The following MSRA variants were observed in gnomAD, a reference collection of about 807,000 sequenced individuals.
The protein encoded by MSRA is mitochondrial peptide methionine sulfoxide reductase.
A neutral mutation model predicts 31.3 loss-of-function variants in MSRA; 54 were observed. The ratio of observed to expected loss-of-function variants is 1.73; its 90% CI spans 1.39 to 2.17. MSRA has a LOEUF of 2.17. MSRA is among the 30% of genes most tolerant of loss of function. MSRA has a pLI of 0.00. For missense variants in MSRA, 507 were observed against 300.9 expected (o/e 1.69, Z -5.07); for synonymous variants, 169 against 116.5 (o/e 1.45, Z -2.90).
intron 1 of MSRA, among the ~76,000 whole-genome samples, chr8:10,162,531 C>T (rs1020647831): frequency 6.6e-6 from 1 of 152,070 alleles, no homozygotes; most frequent in Non-Finnish European, 1.5e-5. Flanking sequence ...TTGAGTGGGG[C>T]AGGTGACGGG....
chr8:10,079,779 C>T (rs866878111), intron 1 of MSRA, among the ~76,000 whole-genome samples: 2 of 152,156 alleles, frequency 1.3e-5, no homozygotes, highest in South Asian at 2.1e-4. Flanking sequence ...TTATCAGAGC[C>T]AAGGTGAGAA....
chr8:10,108,346 T>G (rs1299489568), intron 1 of MSRA, among the ~76,000 whole-genome samples: 3 of 152,154 alleles, frequency 2.0e-5, no homozygotes, highest in Non-Finnish European at 4.4e-5. Context: ...CCTCATTAGG[T>G]GGGAGGTACC....
rs375578699 is a variant in MSRA, at chr8:10,342,971, A to G, written c.543+22982A>G. 3.3e-5 allele frequency among the ~76,000 whole-genome samples: 5 copies of G among 151,952 alleles called. No individual in the cohort carries two copies. The South Asian group carries it at 1.0e-3, about 32-fold the overall frequency. ...AGCTGCTTCATAGGCTTGCTGGGAAAATTAAATGAGATAACGTGTGGAAAG... is the reference window on the plus strand; with the variant it reads ...AGCTGCTTCATAGGCTTGCTGGGAAGATTAAATGAGATAACGTGTGGAAAG... On this transcript the variant is annotated intron_variant, in intron 5 of 5. Coordinates refer to ENST00000317173, the MANE Select transcript of MSRA (RefSeq NM_012331.5).
chr8:10,280,733 G>A (rs903633867), intron 3 of MSRA, among the ~76,000 whole-genome samples: 1 of 152,170 alleles, frequency 6.6e-6, no homozygotes, highest in Non-Finnish European at 1.5e-5. Context: ...ATTTATAGCA[G>A]CATTATTTGA....
chr8:10,315,582 C>T (rs1028138648), intron 4 of MSRA, among the ~76,000 whole-genome samples: 2 of 152,144 alleles, frequency 1.3e-5, no homozygotes, highest in East Asian at 1.9e-4. Context: ...TATAATATGT[C>T]GATTGCTACT....
intron 1 of MSRA, among the ~76,000 whole-genome samples, chr8:10,075,752 A>G (rs1563402845): frequency 6.6e-6 from 1 of 152,224 alleles, no homozygotes; most frequent in East Asian, 1.9e-4. Flanking sequence ...CATAACTGCT[A>G]CGGAGATCAC....
chr8:10,190,082 A>G (rs1362022453), intron 1 of MSRA, among the ~76,000 whole-genome samples: 2 of 152,154 alleles, frequency 1.3e-5, no homozygotes, highest in South Asian at 2.1e-4. Flanking sequence ...GTGATAAGCC[A>G]AGGAATGTCC....
At chr8:10,092,308 G>C (rs1798897098) in intron 1 of MSRA, among the ~76,000 whole-genome samples, 1 of 152,046 alleles carries the variant, frequency 6.6e-6, no homozygotes, top group South Asian at 2.1e-4. Flanking sequence ...AATTTATTGA[G>C]GTTCATTTTA....
chr8:10,156,609 A>G (rs1400926156), intron 1 of MSRA, among the ~76,000 whole-genome samples: 1 of 152,152 alleles, frequency 6.6e-6, no homozygotes, highest in Non-Finnish European at 1.5e-5. Flanking sequence ...TCTTCTTTTC[A>G]TATGGACACA....
chr8:10,283,959 C>A (rs1260818105), intron 3 of MSRA, among the ~76,000 whole-genome samples: 1 of 151,300 alleles, frequency 6.6e-6, no homozygotes, highest in Non-Finnish European at 1.5e-5. Context: ...CTGCTATAAA[C>A]ATGCATGTGC....
At chr8:10,411,070 A>T (rs978472025) in intron 5 of MSRA, 1 of 152,026 alleles carries the variant, frequency 6.6e-6, no homozygotes, top group African/African-American at 2.4e-5. Flanking sequence ...AAACAGCCCG[A>T]ATGAGACCCC....
chr8:10,378,548 T>C (rs549476731), intron 5 of MSRA, among the ~76,000 whole-genome samples: 5 of 152,216 alleles, frequency 3.3e-5, no homozygotes, highest in African/African-American at 9.6e-5. Context: ...GGGCTCACTG[T>C]GGCCATCAGA....
At chr8:10,225,965 G>A (rs1246405990) in intron 2 of MSRA, among the ~76,000 whole-genome samples, 1 of 152,182 alleles carries the variant, frequency 6.6e-6, no homozygotes, top group Non-Finnish European at 1.5e-5. Context: ...GCATGCCATA[G>A]GAAAAAATGG....
At chr8:10,068,836 C>T (rs1379651540) in intron 1 of MSRA, among the ~76,000 whole-genome samples, 1 of 152,134 alleles carries the variant, frequency 6.6e-6, no homozygotes, top group Non-Finnish European at 1.5e-5. Flanking sequence ...ATTTTGATTG[C>T]AATGATAGGG....
At chr8:10,081,631 A>G (rs566589026) in intron 1 of MSRA, among the ~76,000 whole-genome samples, 1 of 152,198 alleles carries the variant, frequency 6.6e-6, no homozygotes, top group African/African-American at 2.4e-5. Context: ...GTGGACTTAT[A>G]GGCGCCCACA....
rs192070583 is a variant in MSRA at position 10,249,920 on chromosome 8, T to G, written c.331+4697T>G. Among the ~76,000 whole-genome samples the G allele has an allele frequency of 2.3e-3, 349 of 152,298 alleles. 3 individuals are homozygous for G. Among genetic ancestry groups the G allele is most frequent in the Non-Finnish European group, 3.5e-3 (235 of 68,020 alleles). On this transcript the variant is annotated intron_variant, in intron 3 of 5. Coordinates refer to ENST00000317173, the MANE Select transcript of MSRA (RefSeq NM_012331.5). ...GCCTAACTTGTATATAGGCCTTACT[T>G]GAATAAATTAAATATGCCACTTACT...
At chr8:10,317,720 G>A (rs1801807774) in intron 4 of MSRA, among the ~76,000 whole-genome samples, 1 of 152,156 alleles carries the variant, frequency 6.6e-6, no homozygotes, top group African/African-American at 2.4e-5. Flanking sequence ...CATCAAGACA[G>A]CCAAATAGTG....
At chr8:10,191,397 A>C (rs1374810086) in intron 1 of MSRA, among the ~76,000 whole-genome samples, 2 of 152,190 alleles carry the variant, frequency 1.3e-5, no homozygotes, top group African/African-American at 4.8e-5. Context: ...ATTTTGGAAA[A>C]ACATTTTTCT....
intron 4 of MSRA, among the ~76,000 whole-genome samples, chr8:10,318,307 T>C (rs1801841909): frequency 6.6e-6 from 1 of 152,138 alleles, no homozygotes; most frequent in South Asian, 2.1e-4. Flanking sequence ...AGGGCTCATG[T>C]GAGGATGAAA....
Sources: allele counts gnomAD v4.1 joint callset (sites outside exome capture counted in the v4.1 genomes callset), GRCh38; gene constraint gnomAD v4.1.1; transcripts MANE v1.5; gene names NCBI Gene and HGNC (gene_info 2026-07-23, HGNC 2026-07-21).